The following BABAM2 variants were observed in gnomAD, a reference collection of about 807,000 sequenced individuals.
The protein encoded by BABAM2 is BRISC and BRCA1-A complex member 2.
In BABAM2, 31 loss-of-function variants were observed where a neutral mutation model predicts 54.7. That is an observed-to-expected ratio of 0.57 (90% CI 0.43 to 0.77). BABAM2 has a LOEUF of 0.77. Ranked by LOEUF, BABAM2 falls within the 30% of genes least tolerant of loss-of-function variation. The pLI is 0.00. For synonymous variants in BABAM2, 167 were observed against 162.9 expected (o/e 1.03, Z -0.19); for missense variants, 364 against 455.8 (o/e 0.80, Z 1.83).
intron 10 of BABAM2, among the ~76,000 whole-genome samples, chr2:28,254,882 C>T (rs1683837027): frequency 6.6e-6 from 1 of 151,582 alleles, no homozygotes; most frequent in African/African-American, 2.4e-5. Context: ...TATAGACACA[C>T]ACCACCATGC....
Position 28,045,920 on chromosome 2 carries a change from A to G in BABAM2, c.570+121A>G. 7 of 786,320 alleles carry G rather than the reference A, an allele frequency of 8.9e-6. No individual in the cohort carries two copies. The Admixed American group carries it at 9.4e-5, about 11-fold the overall frequency. 48.7% of individuals were successfully genotyped at this position (786,320 alleles called of 1,614,324 possible). On this transcript the variant is annotated intron_variant, in intron 6 of 11. Transcript: ENST00000379624. ...TCAGATGATGAATTCTATTAAAAAT[A>G]TTTCTTACATGAAGTTCCATTGAGC... is the stretch of plus-strand genomic sequence containing the variant.
intron 10 of BABAM2, among the ~76,000 whole-genome samples, chr2:28,286,543 C>T (rs961309629): frequency 9.2e-5 from 14 of 152,190 alleles, no homozygotes; most frequent in Admixed American, 6.5e-4. Context: ...TGGGCCTCTA[C>T]GGTGACTGCT....
At chr2:28,274,048 TAGCTCACTGGCCA>T (rs1159960381) in intron 10 of BABAM2, among the ~76,000 whole-genome samples, 1 of 152,242 alleles carries the variant, frequency 6.6e-6, no homozygotes, top group African/African-American at 2.4e-5. Flanking sequence ...CCTCCAGGAC[TAGCTCACTGGCCA>T]GCTGGTTTGT....
chr2:28,203,790 C>T (rs1439921102), intron 7 of BABAM2, among the ~76,000 whole-genome samples: 1 of 152,152 alleles, frequency 6.6e-6, no homozygotes, highest in Non-Finnish European at 1.5e-5. Context: ...TAGCAGGCAT[C>T]CACCACACTC....
intron 4 of BABAM2, among the ~76,000 whole-genome samples, chr2:27,989,679 G>A (rs762720412): frequency 3.3e-5 from 5 of 152,130 alleles, no homozygotes; most frequent in Non-Finnish European, 5.9e-5. Context: ...AGGAGAGATC[G>A]AAGACCAGAA....
intron 7 of BABAM2, among the ~76,000 whole-genome samples, chr2:28,177,415 A>G (rs2147871054): frequency 6.6e-6 from 1 of 152,326 alleles, no homozygotes; most frequent in South Asian, 2.1e-4. Flanking sequence ...CCAGGGCTCT[A>G]CACCTGAAAG....
At chr2:27,903,734 C>T (rs1282241206) in intron 2 of BABAM2, among the ~76,000 whole-genome samples, 1 of 152,164 alleles carries the variant, frequency 6.6e-6, no homozygotes, top group Non-Finnish European at 1.5e-5. Flanking sequence ...GTAGCATACG[C>T]TGTAGCTGTT....
chr2:28,237,416 C>G, intron 8 of BABAM2, 115 bp downstream of exon 8: 1 of 840,198 alleles, frequency 1.2e-6, no homozygotes, highest in East Asian at 2.5e-5. Context: ...CAGTTTCAGC[C>G]TCCATCTGAC....
At chr2:28,335,154 C>CTTTTTTTTTTTTTTTTTTTT (rs56135926) in intron 11 of BABAM2, among the ~76,000 whole-genome samples, 1 of 71,524 alleles carries the variant, frequency 1.4e-5, no homozygotes, top group Non-Finnish European at 2.6e-5. Context: ...CTCCCACCTT[C>CTTTTTTTTTTTTTTTTTTTT]TTTTTTTTTT....
chr2:28,291,390 C>T (rs778973240), intron 10 of BABAM2, among the ~76,000 whole-genome samples: 2 of 152,056 alleles, frequency 1.3e-5, no homozygotes, highest in Non-Finnish European at 2.9e-5. Context: ...GTCAGGAGTT[C>T]GAGACCAGCC....
At chr2:28,085,357 G>A (rs1012038672) in intron 6 of BABAM2, among the ~76,000 whole-genome samples, 1 of 152,138 alleles carries the variant, frequency 6.6e-6, no homozygotes, top group Non-Finnish European at 1.5e-5. Context: ...ACAATGAATG[G>A]TACATTATAA....
chr2:28,241,523 C>A lies in BABAM2; in HGVS notation c.851+130C>A, dbSNP rs185350860. ...ATACCTTTTTTTTTTTTGAGACAGT[C>A]TCGCTCTGTCACCCAGGCTGGAGTG... On this transcript the variant is annotated intron_variant, in intron 9 of 11. Coordinates refer to ENST00000379624, the MANE Select transcript of BABAM2 (RefSeq NM_199191.3). The A allele has an allele frequency of 1.9e-4, 150 of 806,600 alleles. No individual in the cohort carries two copies. In the East Asian group the frequency reaches 3.9e-3, roughly 21 times the overall value. 50.0% of individuals were successfully genotyped at this position (806,600 alleles called of 1,614,324 possible). A position where few individuals can be genotyped will look rare whatever the true frequency, so the allele number is the denominator to read the frequency against.
rs559861362 is a variant in BABAM2, at chr2:27,948,639, C to T, written c.205+18731C>T. On this transcript the variant is annotated intron_variant, in intron 3 of 11. Coordinates refer to ENST00000379624, the MANE Select transcript of BABAM2 (RefSeq NM_199191.3). The stretch of plus-strand genomic sequence containing the variant: ...TACAAAAATCACTTAGGCATGATGG[C>T]GCATGCCTGTAATCCCAGCTACTTG... Among the ~76,000 whole-genome samples the T allele has an allele frequency of 7.2e-5, 11 of 152,208 alleles. No homozygotes were observed. In the East Asian group the frequency reaches 1.2e-3, roughly 16 times the overall value.
At chr2:28,182,380 C>A (rs530413189) in intron 7 of BABAM2, among the ~76,000 whole-genome samples, 1 of 152,266 alleles carries the variant, frequency 6.6e-6, no homozygotes, top group Admixed American at 6.5e-5. Context: ...TTTGGTAGAG[C>A]CACTCTCCTG....
At chr2:28,069,750 A>G (rs1034795572) in intron 6 of BABAM2, among the ~76,000 whole-genome samples, 1 of 152,208 alleles carries the variant, frequency 6.6e-6, no homozygotes, top group Non-Finnish European at 1.5e-5. Flanking sequence ...GTAACTACAT[A>G]CTTCCAAGAG....
intron 11 of BABAM2, among the ~76,000 whole-genome samples, chr2:28,300,466 A>G (rs1245014992): frequency 1.3e-5 from 2 of 152,250 alleles, no homozygotes; most frequent in South Asian, 2.1e-4. Flanking sequence ...CTGAAATACA[A>G]TGGAAAAAAG....
In BABAM2 at chr2:28,237,393, C is replaced by T. The variant is rs1048809087; in HGVS notation, c.780+92C>T. ...ATCATCGTGCATGCTCCATCCTTCTCGGACCGACTGCTCAGTTTCAGCCTC... is the reference window on the plus strand; with the variant it reads ...ATCATCGTGCATGCTCCATCCTTCTTGGACCGACTGCTCAGTTTCAGCCTC... On this transcript the variant is annotated intron_variant, in intron 8 of 11. Coordinates refer to ENST00000379624, the MANE Select transcript of BABAM2 (RefSeq NM_199191.3). The T allele has an allele frequency of 1.9e-5, 22 of 1,130,058 alleles. No individual in the cohort carries two copies. In the Middle Eastern group the frequency reaches 8.3e-4, roughly 43 times the overall value. The allele number at this position is 1,130,058 out of a possible 1,614,324, so 70.0% of individuals were successfully genotyped here.
In BABAM2 at chr2:28,109,227, C is replaced by T. The variant is rs185531814; in HGVS notation, c.571-20044C>T. On this transcript the variant is annotated intron_variant, in intron 6 of 11. Coordinates refer to ENST00000379624, the MANE Select transcript of BABAM2 (RefSeq NM_199191.3). ...TTTTTGAGACAGAGTCTCACTCTGTCGCCCAGGCTGGAGTGCAGTGATGTG... is the reference window on the plus strand; with the variant it reads ...TTTTTGAGACAGAGTCTCACTCTGTTGCCCAGGCTGGAGTGCAGTGATGTG... Among the ~76,000 whole-genome samples, 45 of 128,698 alleles carry T rather than the reference C, an allele frequency of 3.5e-4. 1 individual carries two copies. The highest frequency in any genetic ancestry group is 0.013 in the Middle Eastern group (2 of 158). 84.4% of individuals were successfully genotyped at this position (128,698 alleles called of 152,430 possible).
chr2:27,952,146 T>A (rs1363075365), intron 3 of BABAM2, among the ~76,000 whole-genome samples: 1 of 152,244 alleles, frequency 6.6e-6, no homozygotes, highest in African/African-American at 2.4e-5. Flanking sequence ...GCCTTGAAAT[T>A]AATTTTACAC....
Sources: allele counts gnomAD v4.1 joint callset (sites outside exome capture counted in the v4.1 genomes callset), GRCh38; gene constraint gnomAD v4.1.1; transcripts MANE v1.5; gene names NCBI Gene and HGNC (gene_info 2026-07-23, HGNC 2026-07-21).